Variants in PAPOLG observed in about 807,000 individuals in gnomAD.
PAPOLG encodes PAP-gamma.
A neutral mutation model predicts 99.0 loss-of-function variants in PAPOLG; 40 were observed. The observed-to-expected ratio is 0.40, with a 90% CI of 0.31 to 0.53. The LOEUF is 0.53. PAPOLG is among the 20% of genes least tolerant of loss of function. The probability of loss-of-function intolerance (pLI) is 0.41; values close to 1 mark genes in which losing one functional copy is unlikely to be tolerated. For synonymous variants in PAPOLG, 310 were observed against 299.3 expected, an observed-to-expected ratio of 1.04 and a Z score of -0.37; for missense variants, 675 against 884.1, an observed-to-expected ratio of 0.76 and a Z score of 3.00.
intron 12 of PAPOLG, 96 bp downstream of exon 12, chr2:60,782,866 A>G: frequency 3.7e-6 from 5 of 1,356,926 alleles, no homozygotes; most frequent in Non-Finnish European, 4.9e-6. Context: ...CAGCTCTTTT[A>G]TTTCTTAAGC....
Position 60,768,873 on chromosome 2 carries a change from G to A in PAPOLG, c.421G>A (p.Gly141Ser). 2 of 1,588,984 alleles carry A rather than the reference G, an allele frequency of 1.3e-6. No individual in the cohort carries two copies. Among genetic ancestry groups the A allele is most frequent in the African/African-American group, 1.4e-5 (1 of 74,004 alleles). ...SFFEKLKHQD[G>S]IRNLRAVEDA... The stretch of plus-strand genomic sequence containing the variant: ...TTTTGAAAAATTGAAACATCAAGAT[G>A]GCATTAGAAACTTAAGAGTAAGTAT... Residue 141 changes from glycine (G) to serine (S), a missense_variant, in exon 5 of 22, where the codon GGC (glycine) becomes AGC (serine). Gly to Ser is a moderately conservative substitution (Grantham distance 56). This residue lies in a region of PAPOLG where 149 missense variants were observed against 192.1 expected (regional missense o/e 0.78). Transcript: ENST00000238714.
chr2:60,761,101 A>T (rs1013015342), intron 2 of PAPOLG, among the ~76,000 whole-genome samples: 2 of 152,162 alleles, frequency 1.3e-5, no homozygotes, highest in South Asian at 2.1e-4. Flanking sequence ...GTCAAGGATG[A>T]TGGCCAAGAT....
chr2:60,796,933 A>G (rs1454528998), intron 21 of PAPOLG, 129 bp from the exon 22 acceptor site: 2 of 1,130,630 alleles, frequency 1.8e-6, no homozygotes, highest in Non-Finnish European at 1.2e-6. Context: ...TTCATTGCAT[A>G]CTTGAGTGTT....
At chr2:60,794,673 T>A (rs778277880) in intron 19 of PAPOLG, 37 bp from the exon 20 acceptor site, 1 of 1,562,000 alleles carries the variant, frequency 6.4e-7, no homozygotes, top group Non-Finnish European at 8.8e-7. Flanking sequence ...TTTTTGTAGG[T>A]ACATAATAGC....
In PAPOLG at chr2:60,799,375, C is replaced by T. The variant is rs1257580357; in HGVS notation, c.*2215C>T. The T allele has an allele frequency of 6.6e-6, 1 of 152,324 alleles. No homozygotes were observed. The highest frequency in any genetic ancestry group is 1.5e-5 in the Non-Finnish European group (1 of 68,038). 9.4% of individuals were successfully genotyped at this position (152,324 alleles called of 1,614,324 possible). Reference sequence around the variant, plus strand: ...CATGTCAATGAGTCAACATTAGAGTCCTCAAAGATAGCATTCTTCAACCTG... The same window carrying T: ...CATGTCAATGAGTCAACATTAGAGTTCTCAAAGATAGCATTCTTCAACCTG... On this transcript the variant is annotated 3_prime_UTR_variant, in exon 22 of 22. Coordinates refer to ENST00000238714, the MANE Select transcript of PAPOLG (RefSeq NM_022894.4).
In PAPOLG at chr2:60,779,772, A is replaced by G. The variant is rs1573239045; in HGVS notation, c.830A>G (p.Lys277Arg). 11 of 1,612,204 alleles carry G rather than the reference A, an allele frequency of 6.8e-6. No homozygotes were observed. In the East Asian group the frequency reaches 2.2e-4, roughly 33 times the overall value. ...CATAAGTTCTTTTTAGTTTTTTCCA[A>G]GTGGTAAGTATTTACGTGTGTACTT... Reference protein sequence around the residue: ...LVHKFFLVFSKWEWPNPVLLK... With the variant: ...LVHKFFLVFSRWEWPNPVLLK... The change falls in exon 9 of 22, where the codon AAG becomes AGG. Residue 277 changes from lysine (K) to arginine (R), a missense_variant. Physicochemically the swap from Lys to Arg is conservative, Grantham distance 26. This residue lies in a region of PAPOLG where 113 missense variants were observed against 231.5 expected (regional missense o/e 0.49). Coordinates refer to ENST00000238714, the MANE Select transcript of PAPOLG (RefSeq NM_022894.4).
intron 3 of PAPOLG, among the ~76,000 whole-genome samples, chr2:60,767,017 AAAGG>A (rs1670696191): frequency 1.3e-5 from 2 of 152,350 alleles, no homozygotes; most frequent in South Asian, 4.1e-4. Context: ...GTGAAAGAGA[AAAGG>A]AAGATTAATT....
Position 60,770,469 on chromosome 2 carries a change from T to G in PAPOLG, c.450T>G (p.Asp150Glu). The change falls in exon 6 of 22, where the codon GAT (aspartate) becomes GAG (glutamate). Residue 150 changes from aspartate (D) to glutamate (E), a missense_variant. Coordinates refer to ENST00000238714, the MANE Select transcript of PAPOLG (RefSeq NM_022894.4). ...DGIRNLRAVEDAFVPVIKFEF... is the reference protein window; with the variant it reads ...DGIRNLRAVEEAFVPVIKFEF... ...TTCCTTTTTTGTAGGCTGTAGAAGA[T>G]GCCTTTGTACCTGTTATAAAATTTG... The G allele has an allele frequency of 6.3e-7, 1 of 1,598,844 alleles. No individual in the cohort carries two copies. The highest frequency in any genetic ancestry group is 8.5e-7 in the Non-Finnish European group (1 of 1,172,024).
intron 9 of PAPOLG, among the ~76,000 whole-genome samples, chr2:60,780,148 A>G (rs1353908856): frequency 6.6e-6 from 1 of 152,224 alleles, no homozygotes; most frequent in Non-Finnish European, 1.5e-5. Context: ...AAATCCATGA[A>G]AGCAAATGAG....
chr2:60,787,817 A>G (rs4672404), intron 15 of PAPOLG, among the ~76,000 whole-genome samples, 197 bp downstream of exon 15: 87,088 of 152,052 alleles, frequency 0.57, 25,318 homozygotes, highest in South Asian at 0.74. Flanking sequence ...TTTGGGAGGC[A>G]GAGGCGGGCA....
In PAPOLG at chr2:60,799,107, G is replaced by A. The variant is rs1349260437; in HGVS notation, c.*1947G>A. On this transcript the variant is annotated 3_prime_UTR_variant, in exon 22 of 22. Coordinates refer to ENST00000238714, the MANE Select transcript of PAPOLG (RefSeq NM_022894.4). The stretch of plus-strand genomic sequence containing the variant: ...TATCACCTGACTTCAACTTTTGAAA[G>A]CTTTAGTAAGGAATTTGATTAAATT... The A allele has an allele frequency of 6.6e-6, 1 of 152,332 alleles. No individual in the cohort carries two copies. The highest frequency in any genetic ancestry group is 2.4e-5 in the African/African-American group (1 of 41,458). The allele number at this position is 152,332 out of a possible 1,614,324, so 9.4% of individuals were successfully genotyped here.
intron 3 of PAPOLG, among the ~76,000 whole-genome samples, chr2:60,762,967 CAG>C (rs976560340): frequency 6.6e-6 from 1 of 150,870 alleles, no homozygotes; most frequent in African/African-American, 2.4e-5. Context: ...TTTTTGGAGA[CAG>C]AGTCTTGCTC....
chr2:60,756,521 G>A (rs1184529163), intron 1 of PAPOLG, 26 bp downstream of exon 1: 1 of 1,590,036 alleles, frequency 6.3e-7, no homozygotes, highest in Admixed American at 1.7e-5. Context: ...CGGCGGTTGG[G>A]GTGAGGCGGG....
At chr2:60,780,833 A>G in intron 10 of PAPOLG, 54 bp downstream of exon 10, 1 of 1,369,152 alleles carries the variant, frequency 7.3e-7, no homozygotes, top group Non-Finnish European at 1.0e-6. Context: ...AGGACATTTC[A>G]CTAAATTACA....
At chr2:60,787,868 A>G in intron 15 of PAPOLG, among the ~76,000 whole-genome samples, 1 of 152,174 alleles carries the variant, frequency 6.6e-6, no homozygotes, top group South Asian at 2.1e-4. Flanking sequence ...CCTGGCTAAT[A>G]CGGTGAAACC....
At chr2:60,774,675 A>G (rs1670965237) in intron 7 of PAPOLG, among the ~76,000 whole-genome samples, 1 of 152,154 alleles carries the variant, frequency 6.6e-6, no homozygotes, top group Non-Finnish European at 1.5e-5. Flanking sequence ...GTTTGACCGA[A>G]TCATTATTGC....
Position 60,770,454 on chromosome 2 carries a change from G to C in PAPOLG, c.439-4G>C, listed in dbSNP as rs370470053. The C allele has an allele frequency of 6.9e-6, 11 of 1,592,432 alleles. No individual in the cohort carries two copies. Among genetic ancestry groups the C allele is most frequent in the Non-Finnish European group, 9.4e-6 (11 of 1,169,500 alleles). ...TGTGTTATAATTGTTTTCCTTTTTT[G>C]TAGGCTGTAGAAGATGCCTTTGTAC... On this transcript the variant is annotated splice_region_variant and splice_polypyrimidine_tract_variant and intron_variant, in intron 5 of 21. Coordinates refer to ENST00000238714, the MANE Select transcript of PAPOLG (RefSeq NM_022894.4).
chr2:60,781,955 A>G lies in PAPOLG; in HGVS notation c.977A>G (p.Tyr326Cys). The change falls in exon 11 of 22, where the codon TAT (tyrosine) becomes TGT (cysteine). Residue 326 changes from tyrosine to cysteine, a missense_variant. By Grantham distance (194) the Tyr-to-Cys change is radical (BLOSUM62 -2). Around this residue, in one of 3 missense-constraint regions of PAPOLG, gnomAD observed 113 missense variants for 231.5 expected, o/e 0.49. Coordinates refer to ENST00000238714, the MANE Select transcript of PAPOLG (RefSeq NM_022894.4). ...GCCTACCCACAACAGAATTCTACGT[A>G]TAATGTGTCCACATCAACTCGAACA... ...TPAYPQQNST[Y>C]NVSTSTRTVM... 1 of 1,613,922 alleles carries G rather than the reference A, an allele frequency of 6.2e-7. No individual in the cohort carries two copies. Among genetic ancestry groups the G allele is most frequent in the Non-Finnish European group, 8.5e-7 (1 of 1,179,818 alleles).
intron 8 of PAPOLG, 125 bp downstream of exon 8, chr2:60,775,248 G>C (rs1056861597): frequency 1.2e-5 from 13 of 1,124,174 alleles, no homozygotes; most frequent in African/African-American, 1.6e-5. Flanking sequence ...AATAAACTCT[G>C]TAATAGCTAT....
Sources: allele counts gnomAD v4.1 joint callset (sites outside exome capture counted in the v4.1 genomes callset), GRCh38; gene constraint gnomAD v4.1.1; regional missense constraint gnomAD v4.1.1; transcripts MANE v1.5; gene names NCBI Gene and HGNC (gene_info 2026-07-23, HGNC 2026-07-21).